The following MPV17L variants were observed in gnomAD, a reference collection of about 807,000 sequenced individuals.
MPV17L encodes mpv17-like protein.
MPV17L carries 24 observed loss-of-function variants against 25.8 expected under a neutral mutation model. The ratio of observed to expected loss-of-function variants is 0.93; its 90% CI spans 0.67 to 1.31. The LOEUF is 1.31. Ranked by LOEUF, MPV17L falls within the 50% of genes most tolerant of loss-of-function variation. The probability of loss-of-function intolerance (pLI) is 0.00; values close to 1 mark genes in which losing one functional copy is unlikely to be tolerated. For synonymous variants in MPV17L, 102 were observed against 115.3 expected, an observed-to-expected ratio of 0.88 and a Z score of 0.74; for missense variants, 250 against 265.6, an observed-to-expected ratio of 0.94 and a Z score of 0.41.
intron 2 of MPV17L, among the ~76,000 whole-genome samples, chr16:15,404,320 T>C (rs1425803777): frequency 1.3e-5 from 2 of 152,104 alleles, no homozygotes; most frequent in Non-Finnish European, 2.9e-5. Flanking sequence ...CACCCAGAGC[T>C]GAGGATCTTG....
intron 2 of MPV17L, 130 bp from the exon 3 acceptor site, chr16:15,407,694 A>G: frequency 8.3e-6 from 7 of 843,986 alleles, no homozygotes; most frequent in Non-Finnish European, 1.3e-5. Context: ...GTGAGCTAAG[A>G]TTGCACCACT....
intron 2 of MPV17L, among the ~76,000 whole-genome samples, chr16:15,403,077 T>A (rs1168195040): frequency 6.7e-5 from 10 of 148,868 alleles, no homozygotes; most frequent in African/African-American, 2.2e-4. Context: ...TTTTTTTTTT[T>A]AAAGAGCAAG....
At position 15,407,933 on chromosome 16, in the gene MPV17L, C is replaced by T. The variant is rs1176978810; in HGVS notation, c.412C>T (p.Leu138=). Residue 138 remains leucine, a splice_region_variant and synonymous_variant, in exon 4 of 4, where the codon CTG becomes TTG. Coordinates refer to ENST00000396385, the MANE Select transcript of MPV17L (RefSeq NM_001128423.2). ...CTAACGGACTCTCTCTCTGTTCCAG[C>T]TGACCAACTTCAGCCTTGTTCCTGT... is the stretch of plus-strand genomic sequence containing the variant. The part of the protein sequence containing the change: ...SGLMYWPFVQ[L]TNFSLVPVQW... 6.2e-7 allele frequency: 1 copy of T among 1,613,626 alleles called. No individual in the cohort carries two copies. Among genetic ancestry groups the T allele is most frequent in the African/African-American group, 1.3e-5 (1 of 74,606 alleles).
Position 15,396,187 on chromosome 16 carries a change from C to T in MPV17L, c.290C>T (p.Ala97Val), listed in dbSNP as rs1338475059. The T allele has an allele frequency of 8.4e-6, 13 of 1,549,722 alleles. No homozygotes were observed. Among genetic ancestry groups the T allele is most frequent in the African/African-American group, 2.7e-5 (2 of 73,108 alleles). ...LCDQVVGAPI[A>V]VSAFYVGMSI... The stretch of plus-strand genomic sequence containing the variant: ...GACCAGGTGGTCGGTGCGCCCATCG[C>T]GGTCTCGGCCTTCTATGTCGGTGAG... Residue 97 changes from alanine (A) to valine (V), a missense_variant, in exon 1 of 4, where the codon GCG becomes GTG. Coordinates refer to ENST00000396385, the MANE Select transcript of MPV17L (RefSeq NM_001128423.2).
At chr16:15,404,779 A>G (rs1180469037) in intron 2 of MPV17L, among the ~76,000 whole-genome samples, 3 of 151,946 alleles carry the variant, frequency 2.0e-5, no homozygotes, top group Non-Finnish European at 2.9e-5. Flanking sequence ...CTGAGATTGC[A>G]CCACTGCACT....
Position 15,395,761 on chromosome 16 carries a change from C to T in MPV17L, c.-137C>T, listed in dbSNP as rs1379505730. The T allele has an allele frequency of 1.0e-4, 86 of 833,182 alleles. No individual in the cohort carries two copies. In the South Asian group the frequency reaches 1.8e-3, roughly 18 times the overall value. The allele number at this position is 833,182 out of a possible 1,614,324, so 51.6% of individuals were successfully genotyped here. On this transcript the variant is annotated 5_prime_UTR_variant, in exon 1 of 4. Coordinates refer to ENST00000396385, the MANE Select transcript of MPV17L (RefSeq NM_001128423.2). The stretch of plus-strand genomic sequence containing the variant: ...GGTGTGTGTGGGTCGCTCAATCGCT[C>T]CGGAGCTTCTGGAGGGGGCAGATGC...
chr16:15,407,515 G>GA (rs2050691410), intron 2 of MPV17L, among the ~76,000 whole-genome samples: 1 of 151,746 alleles, frequency 6.6e-6, no homozygotes, highest in African/African-American at 2.4e-5. Flanking sequence ...TGCCGAGGTG[G>GA]TGGATCACCT....
rs1356522051 is a variant in MPV17L at position 15,409,931 on chromosome 16, T to G, written c.*1819T>G. On this transcript the variant is annotated 3_prime_UTR_variant, in exon 4 of 4. Transcript: ENST00000396385. ...ATTTTTAATGAATGCTTTTTAGTTT[T>G]GGGCAGATTCAGTTGACTAAAGCAC... 2.0e-5 allele frequency: 3 copies of G among 152,232 alleles called. No individual in the cohort carries two copies. The highest frequency in any genetic ancestry group is 1.3e-4 in the Admixed American group (2 of 15,276). The allele number at this position is 152,232 out of a possible 1,614,324, so 9.4% of individuals were successfully genotyped here.
intron 2 of MPV17L, among the ~76,000 whole-genome samples, chr16:15,404,369 G>A (rs1457421998): frequency 6.6e-6 from 1 of 152,136 alleles, no homozygotes; most frequent in Non-Finnish European, 1.5e-5. Flanking sequence ...GGAAACCAAA[G>A]TGGGTGGTTA....
intron 2 of MPV17L, among the ~76,000 whole-genome samples, chr16:15,403,994 CCT>C (rs901346218): frequency 5.9e-5 from 9 of 151,856 alleles, no homozygotes; most frequent in African/African-American, 2.2e-4. Context: ...GATGAAATCC[CCT>C]CTCTACTAAA....
chr16:15,405,625 T>C (rs997717631), intron 2 of MPV17L, among the ~76,000 whole-genome samples: 1 of 151,732 alleles, frequency 6.6e-6, no homozygotes, highest in African/African-American at 2.4e-5. Flanking sequence ...ATTTTTATTT[T>C]TAGTAGACAC....
chr16:15,403,993 C>T (rs2050660758), intron 2 of MPV17L, among the ~76,000 whole-genome samples: 1 of 151,568 alleles, frequency 6.6e-6, no homozygotes, highest in African/African-American at 2.4e-5. Flanking sequence ...TGATGAAATC[C>T]CCTCTCTACT....
chr16:15,404,956 T>C (rs2050668510), intron 2 of MPV17L, among the ~76,000 whole-genome samples: 1 of 152,184 alleles, frequency 6.6e-6, no homozygotes. Context: ...TAATTATTTT[T>C]AGCGCTCACA....
chr16:15,399,510 A>C lies in MPV17L; in HGVS notation c.311-1277A>C, dbSNP rs1156230489. On this transcript the variant is annotated intron_variant, in intron 1 of 3. Coordinates refer to ENST00000396385, the MANE Select transcript of MPV17L (RefSeq NM_001128423.2). ...AGCCTCGACCTCCTGGGCTCAAGCG[A>C]TCCTCCCACCTCTGCCTCTGGAGTA... is the stretch of plus-strand genomic sequence containing the variant. 2.1e-5 allele frequency: 9 copies of C among 425,696 alleles called. No homozygotes were observed. In the East Asian group the frequency reaches 6.9e-4, roughly 33 times the overall value. 26.4% of individuals were successfully genotyped at this position (425,696 alleles called of 1,614,324 possible). A position where few individuals can be genotyped will look rare whatever the true frequency, so the allele number is the denominator to read the frequency against.
intron 1 of MPV17L, chr16:15,399,611 T>TCACA (rs2050616753): frequency 3.8e-6 from 1 of 259,822 alleles, no homozygotes; most frequent in Non-Finnish European, 7.6e-6. Flanking sequence ...CTTGATATAT[T>TCACA]GCCCAGGCTG....
intron 2 of MPV17L, among the ~76,000 whole-genome samples, chr16:15,407,242 T>C (rs1672811): frequency 0.66 from 100,088 of 151,944 alleles, 34,138 homozygotes; most frequent in Middle Eastern, 0.74. Flanking sequence ...AGACTTTTCA[T>C]TCTGGTGTTA....
intron 1 of MPV17L, among the ~76,000 whole-genome samples, chr16:15,396,753 CTG>C (rs897672556): frequency 2.6e-5 from 4 of 152,126 alleles, no homozygotes; most frequent in African/African-American, 9.7e-5. Context: ...CAGGTGGAAT[CTG>C]AGGTTGGGCC....
At position 15,401,084 on chromosome 16, in the gene MPV17L, A is replaced by ATT. The variant is rs1208525759; in HGVS notation, c.381+228_381+229insTT. Among the ~76,000 whole-genome samples, 173 of 33,166 alleles carry ATT rather than the reference A, an allele frequency of 5.2e-3. 1 individual carries two copies. The highest frequency in any genetic ancestry group is 6.7e-3 in the Non-Finnish European group (122 of 18,130). 21.8% of individuals were successfully genotyped at this position (33,166 alleles called of 152,430 possible). ...TATATATATATATATATATATATAT[A>ATT]TATTTTTTTTTTTTTTTTTTTTTTT... On this transcript the variant is annotated intron_variant, in intron 2 of 3. Coordinates refer to ENST00000396385, the MANE Select transcript of MPV17L (RefSeq NM_001128423.2).
intron 2 of MPV17L, among the ~76,000 whole-genome samples, chr16:15,405,370 T>G (rs990426810): frequency 2.7e-5 from 4 of 149,012 alleles, no homozygotes; most frequent in African/African-American, 9.9e-5. Context: ...CTCGTCTGTA[T>G]TAAGAAAAAA....
Sources: allele counts gnomAD v4.1 joint callset (sites outside exome capture counted in the v4.1 genomes callset), GRCh38; gene constraint gnomAD v4.1.1; transcripts MANE v1.5; gene names NCBI Gene and HGNC (gene_info 2026-07-23, HGNC 2026-07-21).